The following PPL variants were observed in gnomAD, a reference collection of about 807,000 sequenced individuals.
PPL encodes the protein 190 kDa paraneoplastic pemphigus antigen.
Under a neutral mutation model 194.4 loss-of-function variants are expected in PPL, and 198 were observed. That is an observed-to-expected ratio of 1.02 (90% CI 0.91 to 1.15). PPL has a LOEUF of 1.15. Among genes scored for constraint, PPL ranks in the 50% most tolerant of loss-of-function variants. PPL has a pLI of 0.00. For synonymous variants in PPL, 1,220 were observed against 972.4 expected (o/e 1.25, Z -4.74); for missense variants, 2,885 against 2,294.8 (o/e 1.26, Z -5.25).
At chr16:4,923,338 G>T (rs1176979598) in intron 1 of PPL, among the ~76,000 whole-genome samples, 1 of 152,194 alleles carries the variant, frequency 6.6e-6, no homozygotes, top group Non-Finnish European at 1.5e-5. Context: ...GAGCATTTGG[G>T]AGCACAGGTA....
intron 3 of PPL, among the ~76,000 whole-genome samples, 156 bp downstream of exon 3, chr16:4,903,730 A>G (rs1278608941): frequency 6.6e-6 from 1 of 152,042 alleles, no homozygotes; most frequent in Non-Finnish European, 1.5e-5. Context: ...CAAAAAAAAA[A>G]AAAAGAAAGG....
intron 21 of PPL, among the ~76,000 whole-genome samples, chr16:4,886,871 G>A (rs562131619): frequency 4.9e-4 from 75 of 152,152 alleles, no homozygotes; most frequent in Non-Finnish European, 9.4e-4. Flanking sequence ...CGCCTGCCTC[G>A]GCCTCCCAAA....
rs896576459 is a variant in PPL at position 4,882,828 on chromosome 16, G to C, written c.*556C>G. 1 of 157,984 alleles carries C rather than the reference G, an allele frequency of 6.3e-6. No homozygotes were observed. The highest frequency in any genetic ancestry group is 2.4e-5 in the African/African-American group (1 of 41,482). 9.8% of individuals were successfully genotyped at this position (157,984 alleles called of 1,614,324 possible). A position where few individuals can be genotyped will look rare whatever the true frequency, so the allele number is the denominator to read the frequency against. ...CAGCACCGAGGGCTGGACACTTGTG[G>C]TTTCTGTTCACCTTTCCTGGCTTGG... On this transcript the variant is annotated 3_prime_UTR_variant, in exon 22 of 22. Transcript: ENST00000345988.
At position 4,888,978 on chromosome 16, in the gene PPL, C is replaced by A. The variant is rs989571080; in HGVS notation, c.2397G>T (p.Lys799Asn). Residue 799 changes from lysine to asparagine, a missense_variant and splice_region_variant, in exon 19 of 22, where the codon AAG becomes AAT. Lys to Asn is a moderately conservative substitution (Grantham distance 94, BLOSUM62 0). Coordinates refer to ENST00000345988, the MANE Select transcript of PPL (RefSeq NM_002705.5). ...ANSQQYQQAVKDYELEAEKLR... is the reference protein window; with the variant it reads ...ANSQQYQQAVNDYELEAEKLR... ...TTTGGGCGGAAGTTTCCCGGCTCACCTTTACAGCTTGCTGGTACTGCTGGG... is the reference window on the plus strand; with the variant it reads ...TTTGGGCGGAAGTTTCCCGGCTCACATTTACAGCTTGCTGGTACTGCTGGG... 9.5e-5 allele frequency: 154 copies of A among 1,613,064 alleles called. No homozygotes were observed. The highest frequency in any genetic ancestry group is 1.3e-4 in the Non-Finnish European group (152 of 1,179,824).
intron 9 of PPL, among the ~76,000 whole-genome samples, chr16:4,896,158 C>T (rs542343213): frequency 6.6e-6 from 1 of 152,094 alleles, no homozygotes; most frequent in Non-Finnish European, 1.5e-5. Context: ...TCAGCTATCC[C>T]CTGGGCTGAG....
chr16:4,933,742 G>A (rs1035574082), intron 1 of PPL, among the ~76,000 whole-genome samples: 2 of 152,108 alleles, frequency 1.3e-5, no homozygotes. Flanking sequence ...GACTGCCAGC[G>A]ACTCAAGTGC....
In PPL at chr16:4,897,703, T is replaced by C. The variant is rs1167678181; in HGVS notation, c.944A>G (p.His315Arg). 6.2e-7 allele frequency: 1 copy of C among 1,613,850 alleles called. No homozygotes were observed. ...YLNLLICEES[H>R]LKYMEDYHQF... ...GTGGTAGTCCTCCATGTACTTGAGG[T>C]GGCTCTCCTCGCAGATGAGCAGGTT... Residue 315 changes from histidine (H) to arginine (R), a missense_variant, in exon 9 of 22, where the codon CAC becomes CGC. Physicochemically the swap from His to Arg is conservative, Grantham distance 29. Transcript: ENST00000345988.
chr16:4,919,197 G>A (rs528486061), intron 1 of PPL, among the ~76,000 whole-genome samples: 3 of 152,338 alleles, frequency 2.0e-5, no homozygotes, highest in East Asian at 3.9e-4. Context: ...GGCCCTCGAA[G>A]GGGCCTCAGA....
At chr16:4,912,718 G>A (rs964903466) in intron 1 of PPL, among the ~76,000 whole-genome samples, 10 of 152,250 alleles carry the variant, frequency 6.6e-5, no homozygotes, top group African/African-American at 2.4e-4. Flanking sequence ...GTTCCGTGGT[G>A]ACACTGGGCT....
chr16:4,904,992 G>A (rs975703738), intron 2 of PPL, among the ~76,000 whole-genome samples: 5 of 152,188 alleles, frequency 3.3e-5, no homozygotes, highest in African/African-American at 9.7e-5. Context: ...TAATCACAGC[G>A]GGTTAATTCA....
intron 1 of PPL, among the ~76,000 whole-genome samples, chr16:4,923,800 G>T (rs956069239): frequency 6.6e-6 from 1 of 152,076 alleles, no homozygotes; most frequent in African/African-American, 2.4e-5. Context: ...ATAAATGAAA[G>T]CGCTTTGGGT....
At chr16:4,915,063 T>G (rs901160652) in intron 1 of PPL, among the ~76,000 whole-genome samples, 7 of 152,232 alleles carry the variant, frequency 4.6e-5, no homozygotes, top group Non-Finnish European at 1.5e-5. Context: ...TTGTCTCTCT[T>G]GGGCCCAGTC....
chr16:4,894,521 G>A lies in PPL; in HGVS notation c.1340C>T (p.Ala447Val). The change falls in exon 12 of 22, where the codon GCC becomes GTC. Residue 447 changes from alanine to valine, a missense_variant. Physicochemically the swap from Ala to Val is moderately conservative, Grantham distance 64. Transcript: ENST00000345988. ...DSAGNKLIAP[A>V]VCFVIPPTDP... is the part of the protein sequence containing the mutation. ...TGTGGGGGGGATCACAAAACACACGGCCGGAGCAATCAGCTTGTTCCCAGC... is the reference window on the plus strand; with the variant it reads ...TGTGGGGGGGATCACAAAACACACGACCGGAGCAATCAGCTTGTTCCCAGC... The A allele has an allele frequency of 6.2e-7, 1 of 1,613,940 alleles. No individual in the cohort carries two copies. The highest frequency in any genetic ancestry group is 2.2e-5 in the East Asian group (1 of 44,874).
intron 3 of PPL, 36 bp downstream of exon 3, chr16:4,903,850 A>G (rs200037468): frequency 7.9e-5 from 127 of 1,610,008 alleles, no homozygotes; most frequent in African/African-American, 4.1e-4. Context: ...ATAGCCCCCA[A>G]TGGCTCCCCT....
At chr16:4,903,766 C>T in intron 3 of PPL, 120 bp downstream of exon 3, 1 of 1,201,758 alleles carries the variant, frequency 8.3e-7, no homozygotes, top group Non-Finnish European at 1.2e-6. Flanking sequence ...TGGCACGTGC[C>T]TGGCACCTAA....
In PPL at chr16:4,884,665, A is replaced by C; in HGVS notation, c.3990T>G (p.Ala1330=). The stretch of plus-strand genomic sequence containing the variant: ...TCCGGGCGATCTGCTCTTCCTGGGA[A>C]GCTCTTTCCCTCTCCAGATCCACTT... ...KKQVDLERER[A]SQEEQIARKE... is the part of the protein sequence containing the mutation. Residue 1330 remains alanine (A), a synonymous_variant, in exon 22 of 22, where the codon GCT becomes GCG. Transcript: ENST00000345988. This position sits in a 1 kb window ranked among gnomAD's most constrained non-coding sequence, Gnocchi z 5.7. The C allele has an allele frequency of 3.7e-6, 6 of 1,613,808 alleles. No individual in the cohort carries two copies. Among genetic ancestry groups the C allele is most frequent in the Non-Finnish European group, 5.1e-6 (6 of 1,179,936 alleles).
At chr16:4,917,087 G>A (rs2088934560) in intron 1 of PPL, among the ~76,000 whole-genome samples, 2 of 152,092 alleles carry the variant, frequency 1.3e-5, no homozygotes, top group South Asian at 2.1e-4. Flanking sequence ...AGCTGAGATG[G>A]CGCCACTGCA....
At chr16:4,894,687 T>G in intron 11 of PPL, 69 bp from the exon 12 acceptor site, 1 of 1,561,830 alleles carries the variant, frequency 6.4e-7, no homozygotes, top group Non-Finnish European at 8.7e-7. Context: ...GGTTGCCATC[T>G]CAGCCCCCGA....
intron 1 of PPL, among the ~76,000 whole-genome samples, chr16:4,915,698 G>C (rs1163552089): frequency 6.6e-6 from 1 of 152,164 alleles, no homozygotes; most frequent in Non-Finnish European, 1.5e-5. Context: ...CTCCACCATC[G>C]TAATATGAGC....
Sources: gnomAD v4.1 joint callset for allele counts (sites outside exome capture counted in the v4.1 genomes callset) on GRCh38, gnomAD v4.1.1 for gene constraint, Gnocchi (gnomAD v3.1) non-coding constraint, MANE v1.5 for transcripts, NCBI Gene and HGNC (gene_info 2026-07-23, HGNC 2026-07-21) for gene names.